Variants in COP1 observed in about 807,000 individuals in gnomAD.
COP1 encodes the protein E3 ubiquitin-protein ligase COP1.
COP1 carries 24 observed loss-of-function variants against 101.3 expected under a neutral mutation model. The ratio of observed to expected loss-of-function variants is 0.24; its 90% CI spans 0.17 to 0.33. The LOEUF is 0.33. Ranked by LOEUF, COP1 falls within the 10% of genes least tolerant of loss-of-function variation. COP1 has a pLI of 1.00. For missense variants in COP1, 663 were observed against 906.2 expected (o/e 0.73, Z 3.45); for synonymous variants, 347 against 341.9 (o/e 1.01, Z -0.17).
At chr1:176,198,700 TACC>T (rs1699958657) in intron 1 of COP1, among the ~76,000 whole-genome samples, 1 of 151,742 alleles carries the variant, frequency 6.6e-6, no homozygotes, top group Admixed American at 6.6e-5. Flanking sequence ...TAAGAGAAAA[TACC>T]ACAATACACA....
intron 15 of COP1, among the ~76,000 whole-genome samples, chr1:175,996,864 C>T (rs1036270384): frequency 1.3e-5 from 2 of 152,074 alleles, no homozygotes; most frequent in African/African-American, 4.8e-5. Flanking sequence ...CATCAAGCTA[C>T]CAATGACTTT....
chr1:176,020,353 C>A (rs971727844), intron 15 of COP1, among the ~76,000 whole-genome samples: 17 of 150,446 alleles, frequency 1.1e-4, no homozygotes, highest in Non-Finnish European at 2.2e-4. Context: ...ACTAACAGGG[C>A]CCAGCACATG....
chr1:176,009,373 GAAT>G, intron 15 of COP1, among the ~76,000 whole-genome samples: 1 of 152,220 alleles, frequency 6.6e-6, no homozygotes, highest in African/African-American at 2.4e-5. Flanking sequence ...CATAAGATGA[GAAT>G]AATTTGGTAT....
chr1:176,116,392 T>C (rs1447130082), intron 9 of COP1, among the ~76,000 whole-genome samples: 2 of 152,202 alleles, frequency 1.3e-5, no homozygotes, highest in Non-Finnish European at 2.9e-5. Context: ...ACTTTAGATT[T>C]GTTCCATCAC....
intron 18 of COP1, among the ~76,000 whole-genome samples, chr1:175,948,409 T>C (rs887047406): frequency 8.5e-4 from 129 of 152,164 alleles, no homozygotes; most frequent in African/African-American, 2.9e-3. Flanking sequence ...GAAGTCCAAA[T>C]AACAGCTATG....
chr1:175,955,223 C>A (rs1200589469), intron 18 of COP1, among the ~76,000 whole-genome samples: 2 of 152,010 alleles, frequency 1.3e-5, no homozygotes, highest in African/African-American at 4.8e-5. Flanking sequence ...GCCTGGGTGA[C>A]AGGAGTGAGA....
chr1:176,112,281 TAAATCTTGATTCAAGGATCTACA>T (rs1685429881), intron 9 of COP1, among the ~76,000 whole-genome samples: 1 of 152,002 alleles, frequency 6.6e-6, no homozygotes. Context: ...GTTTTTTTTT[TAAATCTTGATTCAAGGATCTACA>T]TTTTTTTTAA....
rs558943676 is a variant in COP1, at chr1:176,099,858, C to T, written c.1027-13968G>A. Among the ~76,000 whole-genome samples, 180 of 152,180 alleles carry T rather than the reference C, an allele frequency of 1.2e-3. 2 individuals carry two copies. The highest frequency in any genetic ancestry group is 4.1e-3 in the African/African-American group (172 of 41,518). On this transcript the variant is annotated intron_variant, in intron 9 of 19. Coordinates refer to ENST00000367669, the MANE Select transcript of COP1 (RefSeq NM_022457.7). Reference sequence around the variant, plus strand: ...CCAGAGCTCCAAGTTTATTTTGAGACGTTAAGAGAGCAGGATCACCCAACT... The same window carrying T: ...CCAGAGCTCCAAGTTTATTTTGAGATGTTAAGAGAGCAGGATCACCCAACT...
chr1:176,061,574 C>T (rs187239994), intron 11 of COP1, among the ~76,000 whole-genome samples: 2 of 152,118 alleles, frequency 1.3e-5, no homozygotes, highest in Admixed American at 6.5e-5. Flanking sequence ...TGCAGTCAGC[C>T]GTGATCACGC....
chr1:176,092,443 G>A (rs751952446), intron 9 of COP1, among the ~76,000 whole-genome samples: 1 of 152,010 alleles, frequency 6.6e-6, no homozygotes, highest in Non-Finnish European at 1.5e-5. Flanking sequence ...AAAAAGGTGA[G>A]ACAAGATACA....
intron 15 of COP1, among the ~76,000 whole-genome samples, chr1:176,018,004 C>T (rs896119458): frequency 5.9e-5 from 9 of 151,630 alleles, no homozygotes; most frequent in African/African-American, 1.7e-4. Context: ...TTCCCCTTAA[C>T]GCCTGCTCTC....
At chr1:176,111,718 A>C (rs149083978) in intron 9 of COP1, among the ~76,000 whole-genome samples, 1 of 152,092 alleles carries the variant, frequency 6.6e-6, no homozygotes, top group Non-Finnish European at 1.5e-5. Flanking sequence ...TTTTGTTCAT[A>C]CTTTTGGGTT....
At chr1:176,073,305 C>T (rs905635000) in intron 11 of COP1, among the ~76,000 whole-genome samples, 1 of 152,116 alleles carries the variant, frequency 6.6e-6, no homozygotes, top group Middle Eastern at 3.2e-3. Flanking sequence ...CTATTTTCTT[C>T]TTAGGAATTT....
chr1:176,084,110 C>T (rs1010606137), intron 10 of COP1, among the ~76,000 whole-genome samples: 5 of 152,020 alleles, frequency 3.3e-5, no homozygotes, highest in Non-Finnish European at 1.5e-5. Flanking sequence ...TTTTAAAGGT[C>T]TGCCACTTGC....
chr1:176,060,846 T>C (rs1259122658), intron 11 of COP1, among the ~76,000 whole-genome samples: 2 of 152,138 alleles, frequency 1.3e-5, no homozygotes, highest in African/African-American at 4.8e-5. Context: ...ATTTTGTGTT[T>C]CTTATAAAAA....
At chr1:176,049,301 G>C (rs1672124767) in intron 11 of COP1, among the ~76,000 whole-genome samples, 1 of 151,062 alleles carries the variant, frequency 6.6e-6, no homozygotes, top group Non-Finnish European at 1.5e-5. Context: ...TTATTATTTA[G>C]TGACATTAGC....
At chr1:176,166,762 C>T (rs1695215796) in intron 3 of COP1, among the ~76,000 whole-genome samples, 1 of 151,950 alleles carries the variant, frequency 6.6e-6, no homozygotes, top group South Asian at 2.1e-4. Context: ...ATAGCAAAAC[C>T]CCGTCTCCAC....
intron 3 of COP1, among the ~76,000 whole-genome samples, chr1:176,164,152 G>A (rs577137499): frequency 3.3e-5 from 5 of 152,206 alleles, no homozygotes; most frequent in Admixed American, 6.5e-5. Flanking sequence ...CAATGATGAC[G>A]CTATTGGCAC....
At chr1:176,008,878 G>C (rs896916974) in intron 15 of COP1, among the ~76,000 whole-genome samples, 1 of 152,192 alleles carries the variant, frequency 6.6e-6, no homozygotes, top group African/African-American at 2.4e-5. Flanking sequence ...CTGAGTAGGA[G>C]TTGTTCCTGG....
Sources: allele counts gnomAD v4.1 joint callset (sites outside exome capture counted in the v4.1 genomes callset), GRCh38; gene constraint gnomAD v4.1.1; transcripts MANE v1.5; gene names NCBI Gene and HGNC (gene_info 2026-07-23, HGNC 2026-07-21).